Variants in NLRP14 observed in about 807,000 individuals in gnomAD.
The protein encoded by NLRP14 is NLR family pyrin domain containing 14.
A neutral mutation model predicts 94.7 loss-of-function variants in NLRP14; 105 were observed. The ratio of observed to expected loss-of-function variants is 1.11; its 90% CI spans 0.95 to 1.30. The LOEUF is 1.30. Ranked by LOEUF, NLRP14 falls within the 50% of genes most tolerant of loss-of-function variation. The pLI, the probability that NLRP14 is intolerant of heterozygous loss-of-function variation, is 0.00. For synonymous variants in NLRP14, 508 were observed against 459.9 expected, an observed-to-expected ratio of 1.10 and a Z score of -1.34; for missense variants, 1,362 against 1,254.1, an observed-to-expected ratio of 1.09 and a Z score of -1.30.
chr11:7,059,364 T>C (rs1162218457), intron 8 of NLRP14, among the ~76,000 whole-genome samples: 1 of 151,818 alleles, frequency 6.6e-6, no homozygotes, highest in African/African-American at 2.4e-5. Flanking sequence ...TTAAAAAAAA[T>C]ACACATATGT....
At chr11:7,075,298 G>C (rs145743976), downstream of NLRP14, among the ~76,000 whole-genome samples, 812 of 152,316 alleles carry the variant, frequency 5.3e-3, 3 homozygotes, top group African/African-American at 0.013. Flanking sequence ...CAAAGACCTA[G>C]TATTAAAATT....
Position 7,071,269 on chromosome 11 carries a change from T to C in NLRP14, c.3243T>C (p.Tyr1081=), listed in dbSNP as rs1464701492. 1.2e-6 allele frequency: 2 copies of C among 1,613,444 alleles called. No homozygotes were observed. Among genetic ancestry groups the C allele is most frequent in the Admixed American group, 1.7e-5 (1 of 60,008 alleles). The stretch of plus-strand genomic sequence containing the variant: ...TAATCATTAAGCCAGATTGTAACTA[T>C]CATAATGAAGAAGATGTGTCTTGGT... ...PHLIIKPDCN[Y]HNEEDVSWWW... The change falls in exon 12 of 12, where the codon TAT becomes TAC. Residue 1081 remains tyrosine (Y), a synonymous_variant. Transcript: ENST00000299481.
chr11:7,083,597 A>T, the NLRP14 span, among the ~76,000 whole-genome samples: 1 of 152,154 alleles, frequency 6.6e-6, no homozygotes, highest in African/African-American at 2.4e-5. Context: ...AGCCATCTGC[A>T]GTGTCTGTCT....
At chr11:7,039,601 C>T in intron 2 of NLRP14, 113 bp from the exon 3 acceptor site, 3 of 877,526 alleles carry the variant, frequency 3.4e-6, no homozygotes, top group Non-Finnish European at 5.9e-6. Flanking sequence ...TTTCTTAAAC[C>T]CAGATAGTCA....
intron 8 of NLRP14, among the ~76,000 whole-genome samples, chr11:7,059,228 A>C (rs2119682515): frequency 6.6e-6 from 1 of 150,640 alleles, no homozygotes; most frequent in Non-Finnish European, 1.5e-5. Flanking sequence ...ATTACAAATA[A>C]TTTTCTTAGC....
the NLRP14 span, chr11:7,090,055 G>A: frequency 1.2e-5 from 19 of 1,612,696 alleles, no homozygotes; most frequent in Non-Finnish European, 1.4e-5. Context: ...GAGGAGTACC[G>A]GGGCTACTCA....
At chr11:7,050,464 C>A (rs1852425809) in intron 6 of NLRP14, among the ~76,000 whole-genome samples, 1 of 151,464 alleles carries the variant, frequency 6.6e-6, no homozygotes, top group Non-Finnish European at 1.5e-5. Context: ...TAAGAAAGAT[C>A]TTATTTTTCA....
downstream of NLRP14, among the ~76,000 whole-genome samples, chr11:7,076,445 C>T (rs1477644834): frequency 6.6e-6 from 1 of 152,010 alleles, no homozygotes; most frequent in African/African-American, 2.4e-5. Flanking sequence ...ATGCTAACTT[C>T]TTAAGTTGGA....
At chr11:7,027,985 T>G (rs528544233) in intron 1 of NLRP14, among the ~76,000 whole-genome samples, 1 of 152,330 alleles carries the variant, frequency 6.6e-6, no homozygotes, top group African/African-American at 2.4e-5. Flanking sequence ...CTCCCAGGTC[T>G]GCTCCCTCTC....
chr11:7,063,525 C>T (rs75576286), intron 10 of NLRP14, among the ~76,000 whole-genome samples: 1,919 of 152,076 alleles, frequency 0.013, 37 homozygotes, highest in African/African-American at 0.044. Flanking sequence ...CCAGGTAAAG[C>T]GCTGTCAGGG....
chr11:7,046,982 A>T (rs1002663500), intron 5 of NLRP14, 150 bp downstream of exon 5: 112 of 704,980 alleles, frequency 1.6e-4, no homozygotes, highest in Non-Finnish European at 2.8e-5. Flanking sequence ...TCCTCTGGGG[A>T]CATGGGATCA....
In NLRP14 at chr11:7,049,790, C is replaced by T. The variant is rs141003924; in HGVS notation, c.2243C>T (p.Ser748Leu). The change falls in exon 6 of 12, where the codon TCA becomes TTA. Residue 748 changes from serine to leucine, a missense_variant. Physicochemically the swap from Ser to Leu is moderately radical, Grantham distance 145. Transcript: ENST00000299481. ...GATATAGGGGATAATGGAGTAAAGT[C>T]ATTGTGTGAGGCCTTGAAACACCCA... is the stretch of plus-strand genomic sequence containing the variant. ...GSDIGDNGVK[S>L]LCEALKHPEC... 4.7e-5 allele frequency: 76 copies of T among 1,611,556 alleles called. No homozygotes were observed. In the African/African-American group the frequency reaches 8.7e-4, roughly 18 times the overall value.
At chr11:7,058,759 C>A (rs1050946834) in intron 8 of NLRP14, among the ~76,000 whole-genome samples, 2 of 151,898 alleles carry the variant, frequency 1.3e-5, no homozygotes, top group Non-Finnish European at 2.9e-5. Flanking sequence ...TAATATCTCA[C>A]AAGAAAATGA....
At chr11:7,040,782 A>G (rs1852235725) in intron 3 of NLRP14, among the ~76,000 whole-genome samples, 1 of 152,224 alleles carries the variant, frequency 6.6e-6, no homozygotes, top group African/African-American at 2.4e-5. Flanking sequence ...ATTACTTGTT[A>G]TCTTAAATGA....
At chr11:7,024,306 G>A (rs143450118) in intron 1 of NLRP14, among the ~76,000 whole-genome samples, 4 of 152,212 alleles carry the variant, frequency 2.6e-5, no homozygotes, top group East Asian at 1.9e-4. Context: ...TTGTGCTAAC[G>A]TAGTTTTCCA....
At chr11:7,045,984 C>T (rs16921787) in intron 4 of NLRP14, among the ~76,000 whole-genome samples, 6,702 of 152,078 alleles carry the variant, frequency 0.044, 272 homozygotes, top group African/African-American at 0.11. Flanking sequence ...GACTCAGAGC[C>T]GCTCCATTGT....
In NLRP14 at chr11:7,071,416, G is replaced by A; in HGVS notation, c.*108G>A. 2.3e-6 allele frequency: 2 copies of A among 869,066 alleles called. No individual in the cohort carries two copies. The highest frequency in any genetic ancestry group is 3.7e-6 in the Non-Finnish European group (2 of 541,690). The allele number at this position is 869,066 out of a possible 1,614,324, so 53.8% of individuals were successfully genotyped here. On this transcript the variant is annotated 3_prime_UTR_variant, in exon 12 of 12. Coordinates refer to ENST00000299481, the MANE Select transcript of NLRP14 (RefSeq NM_176822.4). ...TTCAGATACTCTATGCCCAGAGATA[G>A]TGCACTTGGCAGCTGTCAGATACCA... is the stretch of plus-strand genomic sequence containing the variant.
the NLRP14 span, among the ~76,000 whole-genome samples, chr11:7,082,289 GTAT>G: frequency 1.3e-5 from 2 of 152,162 alleles, no homozygotes; most frequent in South Asian, 2.1e-4. Context: ...ATCGATATTG[GTAT>G]TATATTTTTT....
chr11:7,043,204 G>A lies in NLRP14; in HGVS notation c.1178G>A (p.Cys393Tyr). The change falls in exon 4 of 12, where the codon TGC (cysteine) becomes TAC (tyrosine). Residue 393 changes from cysteine to tyrosine, a missense_variant. By Grantham distance (194) the Cys-to-Tyr change is radical (BLOSUM62 -2). Coordinates refer to ENST00000299481, the MANE Select transcript of NLRP14 (RefSeq NM_176822.4). ...MEKGGDVTLT[C>Y]QTTTALFTCY... ...AAGGGTGGTGATGTCACATTGACCT[G>A]CCAAACAACCACAGCTCTGTTTACC... is the stretch of plus-strand genomic sequence containing the variant. The A allele has an allele frequency of 6.2e-7, 1 of 1,614,116 alleles. No individual in the cohort carries two copies. Among genetic ancestry groups the A allele is most frequent in the Non-Finnish European group, 8.5e-7 (1 of 1,180,026 alleles).
Sources: gnomAD v4.1 joint callset for allele counts (sites outside exome capture counted in the v4.1 genomes callset) on GRCh38, gnomAD v4.1.1 for gene constraint, MANE v1.5 for transcripts, NCBI Gene and HGNC (gene_info 2026-07-23, HGNC 2026-07-21) for gene names.